Variants in FIP1L1 observed in about 807,000 individuals in gnomAD.
The protein encoded by FIP1L1 is pre-mRNA 3'-end-processing factor FIP1.
FIP1L1 carries 21 observed loss-of-function variants against 84.6 expected under a neutral mutation model. The observed-to-expected ratio is 0.25, with a 90% CI of 0.18 to 0.36. FIP1L1 has a LOEUF of 0.36. Ranked by LOEUF, FIP1L1 falls within the 10% of genes least tolerant of loss-of-function variation. FIP1L1 has a pLI of 1.00. For synonymous variants in FIP1L1, 263 were observed against 242.3 expected (o/e 1.09, Z -0.80); for missense variants, 526 against 751.1 (o/e 0.70, Z 3.50).
intron 16 of FIP1L1, among the ~76,000 whole-genome samples, chr4:53,455,257 T>C (rs1718319366): frequency 6.6e-6 from 1 of 152,218 alleles, no homozygotes; most frequent in South Asian, 2.1e-4. Flanking sequence ...AGTAGCACTT[T>C]TAATTTTCTT....
intron 13 of FIP1L1, chr4:53,440,765 TTTGA>T (rs1427784353): frequency 1.6e-5 from 10 of 624,712 alleles, no homozygotes; most frequent in African/African-American, 1.5e-4. Context: ...TCATTCCAGT[TTTGA>T]TTAAGATATT....
intron 15 of FIP1L1, among the ~76,000 whole-genome samples, chr4:53,444,318 A>C (rs1254343683): frequency 6.6e-6 from 1 of 152,232 alleles, no homozygotes; most frequent in African/African-American, 2.4e-5. Flanking sequence ...TCATGGTGAC[A>C]CAACAGGGAT....
intron 9 of FIP1L1, among the ~76,000 whole-genome samples, chr4:53,395,562 TTAAA>T (rs769926081): frequency 9.9e-5 from 15 of 152,212 alleles, no homozygotes; most frequent in Non-Finnish European, 1.5e-5. Context: ...TAGGTATTAA[TTAAA>T]TAATCATGCT....
Position 53,383,850 on chromosome 4 carries a change from C to G in FIP1L1, c.306C>G (p.Asp102Glu). The G allele has an allele frequency of 1.2e-6, 2 of 1,612,780 alleles. No individual in the cohort carries two copies. The highest frequency in any genetic ancestry group is 1.7e-6 in the Non-Finnish European group (2 of 1,179,396). ...DEDDVHVTIG[D>E]IKTGAPQYGS... ...ATGATGTTCATGTCACTATAGGAGA[C>G]ATTAAAACGGGAGCACCACAGTATG... The change falls in exon 5 of 18, where the codon GAC becomes GAG. Residue 102 changes from aspartate (D) to glutamate (E), a missense_variant. Coordinates refer to ENST00000337488, the MANE Select transcript of FIP1L1 (RefSeq NM_030917.4).
intron 9 of FIP1L1, among the ~76,000 whole-genome samples, chr4:53,395,542 T>G (rs1262223687): frequency 3.9e-5 from 6 of 152,198 alleles, no homozygotes; most frequent in Non-Finnish European, 1.5e-5. Context: ...TTGTGCTTAA[T>G]GGGAAAATTT....
chr4:53,396,418 C>A (rs1469079369), intron 9 of FIP1L1, among the ~76,000 whole-genome samples: 3 of 151,054 alleles, frequency 2.0e-5, no homozygotes, highest in Non-Finnish European at 4.4e-5. Flanking sequence ...TTTTTTTTTC[C>A]CAAGATGGAG....
At chr4:53,387,741 C>T (rs1172896432) in intron 5 of FIP1L1, among the ~76,000 whole-genome samples, 1 of 152,194 alleles carries the variant, frequency 6.6e-6, no homozygotes, top group Admixed American at 6.5e-5. Flanking sequence ...TTATTCTATA[C>T]GGTCCTGTAA....
intron 5 of FIP1L1, among the ~76,000 whole-genome samples, chr4:53,388,758 T>C (rs570374020): frequency 2.2e-4 from 33 of 152,354 alleles, no homozygotes; most frequent in African/African-American, 7.0e-4. Context: ...ACTACTCATA[T>C]ATAAGAATCC....
chr4:53,403,670 GA>G (rs1313645438), intron 10 of FIP1L1, among the ~76,000 whole-genome samples: 3 of 152,190 alleles, frequency 2.0e-5, no homozygotes, highest in Non-Finnish European at 4.4e-5. Context: ...TATGGCGGAT[GA>G]GGCAAAACTT....
At chr4:53,385,364 G>A (rs186165617) in intron 5 of FIP1L1, among the ~76,000 whole-genome samples, 1 of 152,078 alleles carries the variant, frequency 6.6e-6, no homozygotes, top group Admixed American at 6.5e-5. Context: ...TTAAATATAC[G>A]TGGACTTCCA....
chr4:53,446,882 A>T (rs1484547728), intron 15 of FIP1L1, among the ~76,000 whole-genome samples: 2 of 152,122 alleles, frequency 1.3e-5, no homozygotes, highest in African/African-American at 4.8e-5. Flanking sequence ...TTTTATAAAA[A>T]AGTGAGAGTC....
intron 9 of FIP1L1, among the ~76,000 whole-genome samples, chr4:53,395,835 A>G (rs745445173): frequency 1.4e-4 from 21 of 152,156 alleles, no homozygotes; most frequent in Non-Finnish European, 2.9e-4. Flanking sequence ...CACCTCAACA[A>G]ATCCTATTAG....
At chr4:53,429,098 C>T (rs1765491618) in intron 13 of FIP1L1, among the ~76,000 whole-genome samples, 1 of 152,188 alleles carries the variant, frequency 6.6e-6, no homozygotes, top group Admixed American at 6.5e-5. Flanking sequence ...CTGAATAGTC[C>T]TTCCCTAACA....
At chr4:53,428,930 T>C (rs1765416495) in intron 13 of FIP1L1, among the ~76,000 whole-genome samples, 1 of 152,212 alleles carries the variant, frequency 6.6e-6, no homozygotes, top group African/African-American at 2.4e-5. Context: ...CTTGTCCTCA[T>C]CAGGGCAACA....
At chr4:53,419,895 C>T (rs1358088922) in intron 11 of FIP1L1, among the ~76,000 whole-genome samples, 1 of 151,894 alleles carries the variant, frequency 6.6e-6, no homozygotes, top group Non-Finnish European at 1.5e-5. Context: ...GGCGGATCAC[C>T]TGAGGTCGGG....
At chr4:53,453,604 A>G (rs1717295006) in intron 16 of FIP1L1, among the ~76,000 whole-genome samples, 1 of 152,244 alleles carries the variant, frequency 6.6e-6, no homozygotes, top group South Asian at 2.1e-4. Flanking sequence ...AGAGCTAGAG[A>G]AGAGAACTCA....
chr4:53,388,634 C>T (rs1041209701), intron 5 of FIP1L1, among the ~76,000 whole-genome samples: 4 of 152,166 alleles, frequency 2.6e-5, no homozygotes, highest in Non-Finnish European at 4.4e-5. Flanking sequence ...CGTGCCCGGC[C>T]GTCTTACTGA....
intron 10 of FIP1L1, among the ~76,000 whole-genome samples, chr4:53,414,412 T>C (rs1758520100): frequency 6.6e-6 from 1 of 152,034 alleles, no homozygotes; most frequent in African/African-American, 2.4e-5. Flanking sequence ...CTAAAAATAT[T>C]CTAGAGTTAA....
intron 13 of FIP1L1, among the ~76,000 whole-genome samples, chr4:53,433,394 GTC>G (rs2150094009): frequency 6.6e-6 from 1 of 152,190 alleles, no homozygotes; most frequent in East Asian, 1.9e-4. Context: ...GTCTATCTGT[GTC>G]TGACTTACTT....
Sources: allele counts gnomAD v4.1 joint callset (sites outside exome capture counted in the v4.1 genomes callset), GRCh38; gene constraint gnomAD v4.1.1; transcripts MANE v1.5; gene names NCBI Gene and HGNC (gene_info 2026-07-23, HGNC 2026-07-21).